NRXN3: variants seen among roughly 807,000 people sequenced by gnomAD.
NRXN3 encodes the protein neurexin III.
NRXN3 carries 32 observed loss-of-function variants against 137.6 expected under a neutral mutation model. That is an observed-to-expected ratio of 0.23 (90% CI 0.18 to 0.31). The LOEUF is 0.31. Among genes scored for constraint, NRXN3 ranks in the 10% least tolerant of loss-of-function variants. The pLI is 1.00. For synonymous variants in NRXN3, 798 were observed against 784.5 expected, an observed-to-expected ratio of 1.02 and a Z score of -0.29; for missense variants, 1,574 against 2,062.5, an observed-to-expected ratio of 0.76 and a Z score of 4.59.
intron 4 of NRXN3, among the ~76,000 whole-genome samples, chr14:78,395,449 G>A (rs1307896661): frequency 6.6e-6 from 1 of 151,882 alleles, no homozygotes; most frequent in East Asian, 1.9e-4. Flanking sequence ...TGTGGTCCAG[G>A]ATGTGGACTA....
intron 19 of NRXN3, among the ~76,000 whole-genome samples, chr14:79,763,744 G>A (rs1334664298): frequency 6.6e-6 from 1 of 151,442 alleles, no homozygotes; most frequent in East Asian, 1.9e-4. Context: ...AGTTTTTCAA[G>A]AGAATTAATC....
intron 16 of NRXN3, among the ~76,000 whole-genome samples, chr14:79,470,999 G>A (rs2096499464): frequency 1.0e-5 from 1 of 96,186 alleles, no homozygotes; most frequent in Non-Finnish European, 2.2e-5. Flanking sequence ...TGTGTGTGTT[G>A]GGGAGAAGGA....
At chr14:78,920,932 C>T (rs567989536) in intron 10 of NRXN3, among the ~76,000 whole-genome samples, 1 of 152,274 alleles carries the variant, frequency 6.6e-6, no homozygotes, top group East Asian at 1.9e-4. Flanking sequence ...CCTCAAACCC[C>T]ATCTTTTAGA....
chr14:78,527,921 A>G (rs1044937089), intron 4 of NRXN3, among the ~76,000 whole-genome samples: 1 of 152,238 alleles, frequency 6.6e-6, no homozygotes, highest in South Asian at 2.1e-4. Flanking sequence ...TTTATCAAGA[A>G]GAATTAAACA....
intron 10 of NRXN3, among the ~76,000 whole-genome samples, chr14:78,892,109 C>T (rs2152705302): frequency 6.6e-6 from 1 of 152,018 alleles, no homozygotes; most frequent in South Asian, 2.1e-4. Flanking sequence ...CCACCATACA[C>T]CTGCTAAATG....
intron 16 of NRXN3, among the ~76,000 whole-genome samples, chr14:79,617,231 C>T (rs143436864): frequency 1.3e-5 from 2 of 152,174 alleles, no homozygotes; most frequent in East Asian, 3.9e-4. Context: ...GCGTTTGTTG[C>T]CTGGGTTGTA....
chr14:79,697,894 C>T lies in NRXN3; in HGVS notation c.3971C>T (p.Ala1324Val), dbSNP rs902510667. The T allele has an allele frequency of 5.6e-6, 9 of 1,612,974 alleles. No individual in the cohort carries two copies. Among genetic ancestry groups the T allele is most frequent in the African/African-American group, 1.3e-5 (1 of 74,844 alleles). Residue 1324 changes from alanine to valine, a missense_variant, in exon 19 of 21, where the codon GCG (alanine) becomes GTG (valine). Coordinates refer to ENST00000335750, the MANE Select transcript of NRXN3 (RefSeq NM_001330195.2). ...TTVMETTTTMATTTTRKNRST... is the reference protein window; with the variant it reads ...TTVMETTTTMVTTTTRKNRST... ...GTCATGGAAACCACTACTACAATGG[C>T]GACTACCACAACCCGTAAGAATCGC...
At chr14:78,774,052 G>A (rs545096211) in intron 8 of NRXN3, among the ~76,000 whole-genome samples, 10 of 152,110 alleles carry the variant, frequency 6.6e-5, no homozygotes, top group South Asian at 2.1e-4. Context: ...AACCCTCCTC[G>A]GCCTCCCAAA....
chr14:78,273,717 T>C (rs868083676), intron 2 of NRXN3, among the ~76,000 whole-genome samples: 1 of 152,082 alleles, frequency 6.6e-6, no homozygotes, highest in Non-Finnish European at 1.5e-5. Flanking sequence ...AGACAAAAAG[T>C]GGGGGCAGAT....
chr14:78,614,362 G>A (rs567355624), intron 4 of NRXN3, among the ~76,000 whole-genome samples: 1 of 152,226 alleles, frequency 6.6e-6, no homozygotes, highest in East Asian at 1.9e-4. Context: ...AAAAGATCTT[G>A]TGAAGCCCCA....
chr14:78,520,267 C>T (rs1481338078), intron 4 of NRXN3, among the ~76,000 whole-genome samples: 1 of 152,172 alleles, frequency 6.6e-6, no homozygotes, highest in East Asian at 1.9e-4. Context: ...ATTTGATCAA[C>T]TGAAATAATT....
chr14:79,508,475 C>T (rs1207716822), intron 16 of NRXN3, among the ~76,000 whole-genome samples: 1 of 138,690 alleles, frequency 7.2e-6, no homozygotes, highest in South Asian at 2.4e-4. Flanking sequence ...CTGCAACCTT[C>T]ATCTCCCGGG....
At chr14:79,430,668 A>C (rs1047356058) in intron 15 of NRXN3, among the ~76,000 whole-genome samples, 3 of 152,158 alleles carry the variant, frequency 2.0e-5, no homozygotes, top group African/African-American at 7.2e-5. Flanking sequence ...TGTCTGGAGA[A>C]TTTTCTGCTC....
chr14:78,829,950 A>G (rs1323188548), intron 10 of NRXN3, among the ~76,000 whole-genome samples: 3 of 152,182 alleles, frequency 2.0e-5, no homozygotes, highest in Non-Finnish European at 4.4e-5. Context: ...TTTCACATGA[A>G]TGCAACAAAA....
intron 15 of NRXN3, among the ~76,000 whole-genome samples, chr14:79,444,722 G>C (rs539819351): frequency 6.6e-6 from 1 of 152,248 alleles, no homozygotes; most frequent in Non-Finnish European, 1.5e-5. Flanking sequence ...CAGCTACTTG[G>C]GTGGCTGAGT....
intron 14 of NRXN3, among the ~76,000 whole-genome samples, chr14:78,978,459 A>C (rs565282617): frequency 4.5e-4 from 69 of 152,082 alleles, no homozygotes; most frequent in Non-Finnish European, 7.8e-4. Flanking sequence ...ATATAAGTGA[A>C]TTTGGCTTCC....
chr14:78,649,964 T>C (rs1466730868), intron 5 of NRXN3, among the ~76,000 whole-genome samples: 1 of 152,164 alleles, frequency 6.6e-6, no homozygotes, highest in African/African-American at 2.4e-5. Context: ...TTCCTCATTT[T>C]CCTCCTCATT....
intron 15 of NRXN3, among the ~76,000 whole-genome samples, chr14:79,094,128 C>T (rs1489841859): frequency 6.6e-6 from 1 of 152,022 alleles, no homozygotes; most frequent in African/African-American, 2.4e-5. Context: ...AGATGAACAG[C>T]CCAGCTTGGA....
chr14:79,178,083 G>A (rs1204778180), intron 15 of NRXN3, among the ~76,000 whole-genome samples: 1 of 152,216 alleles, frequency 6.6e-6, no homozygotes, highest in African/African-American at 2.4e-5. Flanking sequence ...CCTGTGTGTA[G>A]TACATAGGCA....
Sources: gnomAD v4.1 joint callset for allele counts (sites outside exome capture counted in the v4.1 genomes callset) on GRCh38, gnomAD v4.1.1 for gene constraint, MANE v1.5 for transcripts, NCBI Gene and HGNC (gene_info 2026-07-23, HGNC 2026-07-21) for gene names.